Variants in ZNF469 observed in about 807,000 individuals in gnomAD.
ZNF469 encodes the protein zinc finger protein 469.
A neutral mutation model predicts 1.0 loss-of-function variants in ZNF469; 1 was observed. The observed-to-expected ratio is 1.00, with a 90% CI of 0.35 to 4.73. ZNF469 has a LOEUF of 4.73. ZNF469 is among the 30% of genes most tolerant of loss of function. The probability of loss-of-function intolerance (pLI) is 0.16; values close to 1 mark genes in which losing one functional copy is unlikely to be tolerated. For missense variants in ZNF469, 6,100 were observed against 5,356.3 expected, an observed-to-expected ratio of 1.14 and a Z score of -4.33; for synonymous variants, 2,703 against 2,363.4, an observed-to-expected ratio of 1.14 and a Z score of -4.17.
chr16:88,155,836 A>C, the ZNF469 span, among the ~76,000 whole-genome samples: 1 of 152,142 alleles, frequency 6.6e-6, no homozygotes, highest in African/African-American at 2.4e-5. Context: ...GCTGTGTTTA[A>C]CTTGAGAAGC....
chr16:88,105,152 T>C, the ZNF469 span, among the ~76,000 whole-genome samples: 48 of 152,136 alleles, frequency 3.2e-4, no homozygotes, highest in African/African-American at 1.1e-3. Flanking sequence ...GCTGGGAAGG[T>C]CAAGGCTGCA....
At chr16:88,157,537 A>G in the ZNF469 span, among the ~76,000 whole-genome samples, 2 of 151,976 alleles carry the variant, frequency 1.3e-5, no homozygotes, top group African/African-American at 2.4e-5. Context: ...GACAGCACCC[A>G]TCTCTCCTCC....
upstream of ZNF469, among the ~76,000 whole-genome samples, chr16:88,381,348 A>G (rs114363578): frequency 0.034 from 5,059 of 148,836 alleles, 153 homozygotes; most frequent in Admixed American, 0.098. Context: ...ACACAGACAC[A>G]CACTTATACA....
intron 1 of ZNF469, among the ~76,000 whole-genome samples, chr16:88,392,824 C>G (rs1287545757): frequency 1.3e-5 from 2 of 152,226 alleles, no homozygotes; most frequent in African/African-American, 4.8e-5. Flanking sequence ...CCCTGCCTTT[C>G]CTCTGAGAAG....
chr16:88,105,413 T>C, the ZNF469 span, among the ~76,000 whole-genome samples: 1 of 151,636 alleles, frequency 6.6e-6, no homozygotes, highest in Non-Finnish European at 1.5e-5. Flanking sequence ...CAAGGGATTC[T>C]CCTGTCTCAG....
chr16:88,113,665 G>A, the ZNF469 span, among the ~76,000 whole-genome samples: 9 of 152,228 alleles, frequency 5.9e-5, no homozygotes, highest in Non-Finnish European at 8.8e-5. Flanking sequence ...AGGGCCTATC[G>A]TAGGTCAGGT....
rs1366406815 is a variant in ZNF469, at chr16:88,430,997, G to C, written c.3527G>C (p.Arg1176Pro). Residue 1176 changes from arginine (R) to proline (P), a missense_variant, in exon 3 of 3, where the codon CGA (arginine) becomes CCA (proline). Physicochemically the swap from Arg to Pro is moderately radical, Grantham distance 103. Transcript: ENST00000565624. ...GRSPQARGPS[R>P]SLETGAAARE... ...AGCCCTCAGGCCCGTGGCCCGTCTC[G>C]AAGCCTGGAGACGGGAGCGGCCGCC... The C allele has an allele frequency of 2.6e-6, 4 of 1,541,990 alleles. No homozygotes were observed. Among genetic ancestry groups the C allele is most frequent in the Non-Finnish European group, 3.5e-6 (4 of 1,146,598 alleles).
At chr16:88,412,941 G>A (rs549558697) in intron 1 of ZNF469, among the ~76,000 whole-genome samples, 73 of 152,196 alleles carry the variant, frequency 4.8e-4, no homozygotes, top group African/African-American at 1.6e-3. Context: ...GCCGGGGCCC[G>A]GGCAGCAGTG....
the ZNF469 span, among the ~76,000 whole-genome samples, chr16:88,291,817 A>G: frequency 1.3e-5 from 2 of 152,130 alleles, no homozygotes; most frequent in East Asian, 1.9e-4. Flanking sequence ...CCTGGGCCTC[A>G]GTCTCCCTTC....
the ZNF469 span, among the ~76,000 whole-genome samples, chr16:88,187,439 A>G: frequency 6.6e-6 from 1 of 152,230 alleles, no homozygotes; most frequent in African/African-American, 2.4e-5. Flanking sequence ...ATGGCTCCTA[A>G]ACGCAACATC....
chr16:88,269,487 C>G, the ZNF469 span, among the ~76,000 whole-genome samples: 1 of 152,054 alleles, frequency 6.6e-6, no homozygotes, highest in African/African-American at 2.4e-5. Flanking sequence ...TTTCCCAATC[C>G]TCATCTTTAT....
At chr16:88,332,030 G>A in the ZNF469 span, among the ~76,000 whole-genome samples, 12 of 152,172 alleles carry the variant, frequency 7.9e-5, no homozygotes, top group African/African-American at 7.2e-5. Context: ...CTCTGTCTCC[G>A]CATGGCCCTT....
At chr16:88,287,901 CAT>C in the ZNF469 span, among the ~76,000 whole-genome samples, 29 of 152,266 alleles carry the variant, frequency 1.9e-4, no homozygotes, top group African/African-American at 7.0e-4. Flanking sequence ...CTTTATTGCA[CAT>C]GTTTTTTAGA....
Position 88,439,586 on chromosome 16 carries a change from TCTTGGTACCAAGTA to T in ZNF469, c.*259_*272del. 1.9e-6 allele frequency: 1 copy of T among 537,272 alleles called. No homozygotes were observed. The allele number at this position is 537,272 out of a possible 1,614,324, so 33.3% of individuals were successfully genotyped here. ...CCCTTTTGAGACCACACAGCTGTTTTCTTGGTACCAAGTACTTGAAGAGACAGCAGCCCATCCCC... is the reference window on the plus strand; with the variant it reads ...CCCTTTTGAGACCACACAGCTGTTTTCTTGAAGAGACAGCAGCCCATCCCC... On this transcript the variant is annotated 3_prime_UTR_variant, in exon 3 of 3. Coordinates refer to ENST00000565624, the MANE Select transcript of ZNF469 (RefSeq NM_001367624.2).
chr16:88,131,222 T>C, the ZNF469 span, among the ~76,000 whole-genome samples: 13 of 152,302 alleles, frequency 8.5e-5, no homozygotes, highest in South Asian at 2.5e-3. Flanking sequence ...TCACACCCCG[T>C]TGAATAAATT....
At chr16:88,171,438 G>A in the ZNF469 span, among the ~76,000 whole-genome samples, 1 of 152,224 alleles carries the variant, frequency 6.6e-6, no homozygotes, top group East Asian at 1.9e-4. Context: ...CCCAGGCCCA[G>A]CCTGCCCTGC....
At chr16:88,380,606 C>T (rs2092519765), upstream of ZNF469, among the ~76,000 whole-genome samples, 3 of 150,194 alleles carry the variant, frequency 2.0e-5, no homozygotes, top group African/African-American at 4.9e-5. Context: ...CATGCACTCA[C>T]ACACGCACAC....
At chr16:88,115,233 G>A in the ZNF469 span, among the ~76,000 whole-genome samples, 1 of 152,188 alleles carries the variant, frequency 6.6e-6, no homozygotes, top group African/African-American at 2.4e-5. Flanking sequence ...AACAGCCACT[G>A]TGTTTATTTT....
At chr16:88,369,724 C>T in the ZNF469 span, among the ~76,000 whole-genome samples, 1 of 152,222 alleles carries the variant, frequency 6.6e-6, no homozygotes, top group African/African-American at 2.4e-5. Context: ...CAGGCTCTTG[C>T]AGAGCTAGAT....
Sources: gnomAD v4.1 joint callset for allele counts (sites outside exome capture counted in the v4.1 genomes callset) on GRCh38, gnomAD v4.1.1 for gene constraint, MANE v1.5 for transcripts, NCBI Gene and HGNC (gene_info 2026-07-23, HGNC 2026-07-21) for gene names.